DNAH9: variants seen among roughly 807,000 people sequenced by gnomAD.
The protein encoded by DNAH9 is DNAH9 variant protein.
DNAH9 carries 345 observed loss-of-function variants against 471.6 expected under a neutral mutation model. The observed-to-expected ratio is 0.73, with a 90% CI of 0.67 to 0.80. DNAH9 has a LOEUF of 0.80. Among genes scored for constraint, DNAH9 ranks in the 30% least tolerant of loss-of-function variants. DNAH9 has a pLI of 0.00. For synonymous variants in DNAH9, 2,093 were observed against 2,123.6 expected, an observed-to-expected ratio of 0.99 and a Z score of 0.40; for missense variants, 5,407 against 5,609.2, an observed-to-expected ratio of 0.96 and a Z score of 1.15.
chr17:11,953,236 G>T (rs903916146), intron 67 of DNAH9, among the ~76,000 whole-genome samples: 3 of 152,158 alleles, frequency 2.0e-5, no homozygotes, highest in African/African-American at 7.2e-5. Flanking sequence ...TGCCCACAGA[G>T]AAGTTGCTGC....
chr17:11,888,822 T>C (rs1972962352), intron 57 of DNAH9, among the ~76,000 whole-genome samples: 1 of 152,206 alleles, frequency 6.6e-6, no homozygotes, highest in African/African-American at 2.4e-5. Context: ...TGGGGTTGGA[T>C]TTAACAGTTC....
intron 67 of DNAH9, among the ~76,000 whole-genome samples, chr17:11,957,568 G>GAAAAAAAA (rs796811713): frequency 2.0e-5 from 2 of 99,190 alleles, no homozygotes; most frequent in Non-Finnish European, 2.2e-5. Context: ...CAGAATGGGA[G>GAAAAAAAA]AAAAAAAAAA....
chr17:11,778,042 T>C (rs373659634), intron 38 of DNAH9, among the ~76,000 whole-genome samples: 13 of 152,184 alleles, frequency 8.5e-5, no homozygotes, highest in East Asian at 5.8e-4. Flanking sequence ...CTTTGAACTT[T>C]AGGGCGCGTA....
At chr17:11,788,718 A>C (rs764554387) in intron 41 of DNAH9, among the ~76,000 whole-genome samples, 2 of 151,934 alleles carry the variant, frequency 1.3e-5, no homozygotes, top group Non-Finnish European at 2.9e-5. Flanking sequence ...TTCAATCCTT[A>C]AATTTTTTTA....
intron 1 of DNAH9, among the ~76,000 whole-genome samples, chr17:11,601,004 C>A (rs1326167624): frequency 6.6e-6 from 1 of 152,208 alleles, no homozygotes; most frequent in Non-Finnish European, 1.5e-5. Context: ...ATTCTACTTT[C>A]TGTTCCTATG....
intron 28 of DNAH9, 100 bp downstream of exon 28, chr17:11,728,022 C>T: frequency 1.3e-6 from 1 of 751,654 alleles, no homozygotes; most frequent in Non-Finnish European, 2.3e-6. Context: ...ATCTACGTCC[C>T]TTTTTCCCTT....
At chr17:11,677,943 TTA>T (rs149293538) in intron 17 of DNAH9, among the ~76,000 whole-genome samples, 4,514 of 152,130 alleles carry the variant, frequency 0.03, 178 homozygotes, top group South Asian at 0.11. Context: ...ATCCATCAAA[TTA>T]TATTCTATCA....
Position 11,937,133 on chromosome 17 carries a change from G to GA in DNAH9, c.12490-217dup, listed in dbSNP as rs1974738369. On this transcript the variant is annotated intron_variant, in intron 65 of 68. Coordinates refer to ENST00000262442, the MANE Select transcript of DNAH9 (RefSeq NM_001372.4). The surrounding 1 kb of genome is among the most constrained non-coding windows in gnomAD (Gnocchi z 4.1). ...CCCAGAAAAAAGAGAATGATAGAAT[G>GA]AATGTGGAAGTTTTGGGAAACGGGT... 6.6e-6 allele frequency among the ~76,000 whole-genome samples: 1 copy of GA among 152,104 alleles called. No homozygotes were observed. Among genetic ancestry groups the GA allele is most frequent in the Admixed American group, 6.6e-5 (1 of 15,264 alleles).
At chr17:11,836,556 G>C in intron 49 of DNAH9, among the ~76,000 whole-genome samples, 1 of 152,130 alleles carries the variant, frequency 6.6e-6, no homozygotes, top group Non-Finnish European at 1.5e-5. Flanking sequence ...CACTGTTTCT[G>C]AGCCTGAAGC....
At chr17:11,905,479 A>G (rs1484052876) in intron 60 of DNAH9, among the ~76,000 whole-genome samples, 182 bp from the exon 61 acceptor site, 1 of 152,170 alleles carries the variant, frequency 6.6e-6, no homozygotes, top group Non-Finnish European at 1.5e-5. Flanking sequence ...CTCGGCAACT[A>G]GCAGCACAAG....
intron 67 of DNAH9, 22 bp downstream of exon 67, chr17:11,942,507 A>G (rs770384655): frequency 2.5e-6 from 4 of 1,605,434 alleles, no homozygotes; most frequent in Admixed American, 3.4e-5. Flanking sequence ...CTTGTAAGGC[A>G]TGGAGGGGAC....
chr17:11,946,166 C>G (rs1000927552), intron 67 of DNAH9, among the ~76,000 whole-genome samples: 1 of 138,512 alleles, frequency 7.2e-6, no homozygotes, highest in Non-Finnish European at 1.5e-5. Flanking sequence ...TGCCACTGCA[C>G]TCCAGTCTGG....
intron 24 of DNAH9, among the ~76,000 whole-genome samples, chr17:11,703,102 AAAAAG>A (rs1555569584): frequency 1.1e-4 from 16 of 151,324 alleles, no homozygotes; most frequent in African/African-American, 2.7e-4. Context: ...AAAAAAAAAA[AAAAAG>A]AAAAGAAAAG....
chr17:11,871,903 C>T, intron 52 of DNAH9, 117 bp downstream of exon 52: 1 of 1,123,432 alleles, frequency 8.9e-7, no homozygotes, highest in Non-Finnish European at 1.3e-6. Flanking sequence ...CCACCACCCC[C>T]TGAGCACCAG....
At chr17:11,824,634 T>C (rs930243846) in intron 48 of DNAH9, among the ~76,000 whole-genome samples, 6 of 152,252 alleles carry the variant, frequency 3.9e-5, no homozygotes, top group Non-Finnish European at 7.3e-5. Flanking sequence ...TAGTGTGTAA[T>C]ATTGCTTCTT....
chr17:11,647,274 A>C, intron 12 of DNAH9, 76 bp downstream of exon 12: 1 of 1,441,306 alleles, frequency 6.9e-7, no homozygotes, highest in Non-Finnish European at 9.5e-7. Flanking sequence ...AAAAGCGTAA[A>C]GACTTTTATT....
At chr17:11,640,447 A>G in intron 10 of DNAH9, 63 bp downstream of exon 10, 1 of 1,120,138 alleles carries the variant, frequency 8.9e-7, no homozygotes, top group Non-Finnish European at 1.4e-6. Context: ...CTAGAATCTG[A>G]GTGTTGTAGA....
intron 10 of DNAH9, among the ~76,000 whole-genome samples, chr17:11,641,240 G>C (rs960272218): frequency 2.6e-5 from 4 of 151,902 alleles, no homozygotes; most frequent in African/African-American, 9.7e-5. Context: ...TCTGCAGGGG[G>C]CCACCAGCAC....
rs755599891 is a variant in DNAH9, at chr17:11,636,633, G to A, written c.1636-1G>A. On this transcript the variant is annotated splice_acceptor_variant, in intron 8 of 68. Coordinates refer to ENST00000262442, the MANE Select transcript of DNAH9 (RefSeq NM_001372.4). LOFTEE classifies it high-confidence loss of function. ...CTCTTTTTCCTCCACCTTCCCTACA[G>A]CTGCTAGACATAGCAGGAAACCTCC... The A allele has an allele frequency of 6.2e-7, 1 of 1,612,562 alleles. No individual in the cohort carries two copies. The highest frequency in any genetic ancestry group is 8.5e-7 in the Non-Finnish European group (1 of 1,178,884).
Sources: allele counts gnomAD v4.1 joint callset (sites outside exome capture counted in the v4.1 genomes callset), GRCh38; gene constraint gnomAD v4.1.1; non-coding constraint Gnocchi (gnomAD v3.1); transcripts MANE v1.5; gene names NCBI Gene and HGNC (gene_info 2026-07-23, HGNC 2026-07-21).